CUL4B: variants seen among roughly 807,000 people sequenced by gnomAD.
The protein encoded by CUL4B is cullin-4B.
In CUL4B, 1 loss-of-function variant was observed where a neutral mutation model predicts 69.2. The observed-to-expected ratio is 0.01, with a 90% CI of 0.01 to 0.07. CUL4B has a LOEUF of 0.07. CUL4B is among the 10% of genes least tolerant of loss of function. CUL4B has a pLI of 1.00. For missense variants in CUL4B, 328 were observed against 638.8 expected (o/e 0.51, Z 5.24); for synonymous variants, 237 against 223.2 (o/e 1.06, Z -0.55).
chrX:120,546,402 A>C (rs1255974265), intron 4 of CUL4B, 145 bp downstream of exon 4: 2 of 422,548 alleles, frequency 4.7e-6, no homozygotes, highest in East Asian at 8.4e-5. Context: ...TAAATTTTTA[A>C]AAAAAGAAAA....
At chrX:120,563,623 C>A (rs1016822903), upstream of CUL4B, among the ~76,000 whole-genome samples, 3 of 112,079 alleles carry the variant, frequency 2.7e-5, no homozygotes, top group Non-Finnish European at 5.6e-5. Flanking sequence ...AAATGCTGAA[C>A]CACTGTAAAT....
chrX:120,552,495 A>G (rs745878053), intron 2 of CUL4B, among the ~76,000 whole-genome samples: 1 of 112,284 alleles, frequency 8.9e-6, no homozygotes, highest in African/African-American at 3.2e-5. Flanking sequence ...GCTCCCACTA[A>G]TTACCAGTAA....
intron 10 of CUL4B, among the ~76,000 whole-genome samples, chrX:120,541,364 T>C (rs955433899): frequency 1.8e-5 from 2 of 111,188 alleles, no homozygotes; most frequent in Non-Finnish European, 3.8e-5. Flanking sequence ...CCAGGCATGG[T>C]GGTGCATGCC....
intron 16 of CUL4B, 119 bp downstream of exon 16, chrX:120,535,704 CAAAAAAA>C (rs71820203): frequency 1.7e-4 from 32 of 189,680 alleles, no homozygotes; most frequent in Non-Finnish European, 2.4e-4. Context: ...GACTCTGTCT[CAAAAAAA>C]AAAAAAAAAA....
At chrX:120,552,751 A>C (rs1297205185) in intron 2 of CUL4B, among the ~76,000 whole-genome samples, 1 of 112,507 alleles carries the variant, frequency 8.9e-6, no homozygotes, top group African/African-American at 3.2e-5. Context: ...CAGACAATAA[A>C]AAAGATACTG....
intron 10 of CUL4B, 27 bp from the exon 11 acceptor site, chrX:120,540,589 C>A (rs371637573): frequency 9.5e-7 from 1 of 1,052,260 alleles, no homozygotes; most frequent in Admixed American, 2.3e-5. Context: ...CCACTTTTTA[C>A]TGTAATCGAA....
At chrX:120,528,579 G>A (rs761570341) in intron 19 of CUL4B, among the ~76,000 whole-genome samples, 5 of 109,653 alleles carry the variant, frequency 4.6e-5, no homozygotes, top group Non-Finnish European at 9.5e-5. Context: ...AAATTAGCCA[G>A]GCGTGATTGT....
At position 120,526,455 on chromosome X, in the gene CUL4B, A is replaced by G. The variant is rs1434048436; in HGVS notation, c.*306T>C. 4.8e-6 allele frequency: 1 copy of G among 207,275 alleles called. No homozygotes were observed. Among genetic ancestry groups the G allele is most frequent in the Non-Finnish European group, 9.0e-6 (1 of 111,166 alleles). The allele number at this position is 207,275 out of a possible 1,213,427, so 17.1% of individuals were successfully genotyped here. On this transcript the variant is annotated 3_prime_UTR_variant, in exon 20 of 20. Transcript: ENST00000371322. ...GTAAGAACCCTCCCCCCTTTTTAAT[A>G]GCCACAGGGATCTCTTTCCCAGTTC...
chrX:120,560,681 C>T lies in CUL4B; in HGVS notation c.-43G>A. ...CAGGCAGAGGAGCATCAAAAACCTA[C>T]GTTTATATGCCTGCGTGCGTGTAGG... is the stretch of plus-strand genomic sequence containing the variant. On this transcript the variant is annotated 5_prime_UTR_variant, in exon 1 of 20. Transcript: ENST00000371322. 2.5e-6 allele frequency: 3 copies of T among 1,183,072 alleles called. No homozygotes were observed. The highest frequency in any genetic ancestry group is 1.8e-5 in the South Asian group (1 of 55,775).
chrX:120,536,418 G>A (rs1923675145), intron 15 of CUL4B, among the ~76,000 whole-genome samples: 1 of 112,060 alleles, frequency 8.9e-6, no homozygotes, highest in African/African-American at 3.2e-5. Flanking sequence ...CCCTTTTATG[G>A]GCTTCAGTCC....
rs918390299 is a variant in CUL4B, at chrX:120,571,973, C to T, written c.95G>A (p.Trp32Ter). The change falls in exon 3 of 3, where the codon TGG becomes TAG. Residue 32 changes from tryptophan (W) to a stop codon, truncating the protein, a stop_gained. Transcript: ENST00000486604. LOFTEE classifies it high-confidence loss of function. ...AGATACGTTGGAACAACCATATTAC[C>T]ATGCTGTGTGACTGATGTTCAGTAG... 2 of 109,837 alleles carry T rather than the reference C, an allele frequency of 1.8e-5. No homozygotes were observed. Among genetic ancestry groups the T allele is most frequent in the Admixed American group, 9.9e-5 (1 of 10,141 alleles). The allele number at this position is 109,837 out of a possible 1,213,427, so 9.1% of individuals were successfully genotyped here. A position where few individuals can be genotyped will look rare whatever the true frequency, so the allele number is the denominator to read the frequency against.
intron 19 of CUL4B, among the ~76,000 whole-genome samples, chrX:120,527,239 G>A (rs1923030463): frequency 9.1e-6 from 1 of 109,940 alleles, no homozygotes. Context: ...TGTATTTTTG[G>A]TAGAGATGGG....
chrX:120,540,254 G>A lies in CUL4B; in HGVS notation c.1636+116C>T, dbSNP rs757892590. 118 of 674,582 alleles carry A rather than the reference G, an allele frequency of 1.7e-4. No individual in the cohort carries two copies. The South Asian group carries it at 2.9e-3, about 17-fold the overall frequency. The allele number at this position is 674,582 out of a possible 1,213,427, so 55.6% of individuals were successfully genotyped here. On this transcript the variant is annotated intron_variant, in intron 11 of 19. Transcript: ENST00000371322. ...TCTTCAAACTTGATATACCAGCTAA[G>A]CAACCTCAAACAAATCAGGAATTAG...
chrX:120,538,535 A>T, intron 13 of CUL4B, 125 bp downstream of exon 13: 1 of 536,163 alleles, frequency 1.9e-6, no homozygotes. Context: ...GAGCTTGCTC[A>T]ATTTATGTTT....
chrX:120,544,250 T>C (rs1819279357), intron 6 of CUL4B, 47 bp from the exon 7 acceptor site: 4 of 934,934 alleles, frequency 4.3e-6, no homozygotes, highest in Non-Finnish European at 6.2e-6. Context: ...AGCAAATATT[T>C]ACTAAATGTC....
rs1416725185 is a variant in CUL4B, at chrX:120,524,700, C to T, written c.*2061G>A. On this transcript the variant is annotated 3_prime_UTR_variant, in exon 20 of 20. Coordinates refer to ENST00000371322, the MANE Select transcript of CUL4B (RefSeq NM_001079872.2). ...CAAAAATTCAACTGATACAGAACAA[C>T]AACTGAAAGTCACAATTATCCAATG... 3.6e-5 allele frequency: 4 copies of T among 111,656 alleles called. No individual in the cohort carries two copies. The highest frequency in any genetic ancestry group is 3.7e-4 in the South Asian group (1 of 2,695). 9.2% of individuals were successfully genotyped at this position (111,656 alleles called of 1,213,427 possible).
chrX:120,526,884 A>G (rs1311297299), intron 19 of CUL4B, 28 bp from the exon 20 acceptor site: 2 of 947,750 alleles, frequency 2.1e-6, no homozygotes, highest in African/African-American at 1.9e-5. Flanking sequence ...TTTTCAATGT[A>G]AAGTTCATTA....
chrX:120,549,350 G>T (rs894293515), intron 2 of CUL4B, among the ~76,000 whole-genome samples: 1 of 111,879 alleles, frequency 8.9e-6, no homozygotes, highest in Non-Finnish European at 1.9e-5. Flanking sequence ...TCTGGAGTTC[G>T]AGACCACTCT....
At chrX:120,541,846 G>A in intron 9 of CUL4B, 126 bp from the exon 10 acceptor site, 2 of 505,397 alleles carry the variant, frequency 4.0e-6, no homozygotes, top group Non-Finnish European at 7.1e-6. Flanking sequence ...TGACTAGTCT[G>A]TATGTGAGTT....
Sources: gnomAD v4.1 joint callset for allele counts (sites outside exome capture counted in the v4.1 genomes callset) on GRCh38, gnomAD v4.1.1 for gene constraint, MANE v1.5 for transcripts, NCBI Gene and HGNC (gene_info 2026-07-23, HGNC 2026-07-21) for gene names.